The following PTPRT variants were observed in gnomAD, a reference collection of about 807,000 sequenced individuals.
The protein encoded by PTPRT is receptor-type tyrosine-protein phosphatase T.
Under a neutral mutation model 176.8 loss-of-function variants are expected in PTPRT, and 56 were observed. That is an observed-to-expected ratio of 0.32 (90% CI 0.26 to 0.40). The LOEUF (loss-of-function observed/expected upper bound fraction) is 0.40. PTPRT is among the 10% of genes least tolerant of loss of function. The pLI is 1.00. For missense variants in PTPRT, 1,540 were observed against 1,908.2 expected (o/e 0.81, Z 3.60); for synonymous variants, 783 against 739.0 (o/e 1.06, Z -0.96).
intron 7 of PTPRT, among the ~76,000 whole-genome samples, chr20:42,534,742 T>C (rs2072446061): frequency 6.6e-6 from 1 of 152,126 alleles, no homozygotes; most frequent in Non-Finnish European, 1.5e-5. Context: ...CCAAAAGCCA[T>C]GTTTGTCCTC....
intron 2 of PTPRT, among the ~76,000 whole-genome samples, chr20:42,853,507 T>G (rs1391689823): frequency 6.6e-6 from 1 of 152,148 alleles, no homozygotes; most frequent in Non-Finnish European, 1.5e-5. Context: ...GGAAGTCTGA[T>G]AGCCCAACAA....
At chr20:42,689,399 C>G (rs1413479462) in intron 6 of PTPRT, among the ~76,000 whole-genome samples, 4 of 152,202 alleles carry the variant, frequency 2.6e-5, no homozygotes, top group African/African-American at 7.2e-5. Context: ...TCCTCCCCTT[C>G]TGGCTCCCCA....
chr20:43,012,663 A>G, intron 1 of PTPRT, among the ~76,000 whole-genome samples: 1 of 152,174 alleles, frequency 6.6e-6, no homozygotes, highest in East Asian at 1.9e-4. Flanking sequence ...GGGCAGTGCT[A>G]TTAAGGATGC....
chr20:43,152,082 C>T (rs1378990194), intron 1 of PTPRT, among the ~76,000 whole-genome samples: 1 of 152,072 alleles, frequency 6.6e-6, no homozygotes. Flanking sequence ...ATTCATTCCT[C>T]GTCATGGAAA....
intron 6 of PTPRT, among the ~76,000 whole-genome samples, chr20:42,708,868 T>C (rs980533398): frequency 6.6e-6 from 1 of 152,204 alleles, no homozygotes; most frequent in African/African-American, 2.4e-5. Context: ...CCTACCTCCA[T>C]AGGAATGTTG....
intron 7 of PTPRT, among the ~76,000 whole-genome samples, chr20:42,668,572 G>A (rs1421011608): frequency 3.3e-5 from 5 of 152,130 alleles, no homozygotes; most frequent in African/African-American, 1.2e-4. Context: ...TTAAGCCAAG[G>A]GAGAGGGACT....
chr20:42,677,323 A>G (rs1158323733), intron 7 of PTPRT, among the ~76,000 whole-genome samples: 1 of 152,056 alleles, frequency 6.6e-6, no homozygotes, highest in Admixed American at 6.5e-5. Context: ...AGATACAACC[A>G]AAACCAGAAG....
At chr20:42,962,347 C>T (rs973940347) in intron 1 of PTPRT, among the ~76,000 whole-genome samples, 9 of 151,860 alleles carry the variant, frequency 5.9e-5, no homozygotes, top group African/African-American at 2.2e-4. Flanking sequence ...GTTACAGGTA[C>T]CAGTGCAGAC....
chr20:42,912,311 G>T (rs1416571585), intron 1 of PTPRT, among the ~76,000 whole-genome samples: 1 of 152,116 alleles, frequency 6.6e-6, no homozygotes, highest in Non-Finnish European at 1.5e-5. Context: ...AATATTAGGT[G>T]AGGTTGAATG....
At chr20:43,061,929 G>T (rs1009070678) in intron 1 of PTPRT, among the ~76,000 whole-genome samples, 5 of 152,170 alleles carry the variant, frequency 3.3e-5, no homozygotes, top group African/African-American at 1.2e-4. Flanking sequence ...GAGTTTTGAA[G>T]GAACAATTGA....
chr20:43,001,817 A>G (rs1444288629), intron 1 of PTPRT, among the ~76,000 whole-genome samples: 1 of 152,186 alleles, frequency 6.6e-6, no homozygotes, highest in Non-Finnish European at 1.5e-5. Context: ...TAAGTGTCAA[A>G]ATGCCCATGG....
chr20:43,118,213 G>A (rs1476892217), intron 1 of PTPRT, among the ~76,000 whole-genome samples: 1 of 152,164 alleles, frequency 6.6e-6, no homozygotes, highest in Non-Finnish European at 1.5e-5. Flanking sequence ...AAAAACAGGA[G>A]GTGGAATGGA....
Position 42,613,135 on chromosome 20 carries a change from T to C in PTPRT, c.1153+64731A>G, listed in dbSNP as rs572475721. 1.3e-4 allele frequency among the ~76,000 whole-genome samples: 20 copies of C among 152,370 alleles called. No individual in the cohort carries two copies. The South Asian group carries it at 3.9e-3, about 30-fold the overall frequency. Reference sequence around the variant, plus strand: ...TTGTTTCTGCTCAACAGTCTATTCATGGACCATTCCAAAAACTTTAAACTT... The same window carrying C: ...TTGTTTCTGCTCAACAGTCTATTCACGGACCATTCCAAAAACTTTAAACTT... On this transcript the variant is annotated intron_variant, in intron 7 of 30. Coordinates refer to ENST00000373187, the MANE Select transcript of PTPRT (RefSeq NM_007050.6).
In PTPRT at chr20:42,468,423, A is replaced by G. The variant is rs921764954; in HGVS notation, c.1450+3843T>C. ...TGGCATACAGCAGGGTCCTACACTG[A>G]GACTCTCCTTCAGTCCAGTGGGTTT... On this transcript the variant is annotated intron_variant, in intron 8 of 30. Coordinates refer to ENST00000373187, the MANE Select transcript of PTPRT (RefSeq NM_007050.6). Among the ~76,000 whole-genome samples, 7 of 152,222 alleles carry G rather than the reference A, an allele frequency of 4.6e-5. 1 individual carries two copies. The highest frequency in any genetic ancestry group is 1.7e-4 in the African/African-American group (7 of 41,466).
intron 9 of PTPRT, among the ~76,000 whole-genome samples, chr20:42,366,775 G>GT (rs11481420): frequency 1.5e-4 from 23 of 152,076 alleles, no homozygotes; most frequent in African/African-American, 4.3e-4. Context: ...GCACATGTGA[G>GT]GAAGCTGATT....
intron 15 of PTPRT, among the ~76,000 whole-genome samples, chr20:42,201,121 T>C (rs1991430347): frequency 6.6e-6 from 1 of 152,114 alleles, no homozygotes; most frequent in Non-Finnish European, 1.5e-5. Context: ...TGAGACCAGC[T>C]TGGGCAACAT....
chr20:42,524,789 GTTTTCCT>G (rs2072239717), intron 7 of PTPRT, among the ~76,000 whole-genome samples: 1 of 151,872 alleles, frequency 6.6e-6, no homozygotes, highest in Non-Finnish European at 1.5e-5. Context: ...TTCCCTTCAT[GTTTTCCT>G]TTTTTTTCTC....
At chr20:42,128,320 G>A (rs1987958377) in intron 19 of PTPRT, among the ~76,000 whole-genome samples, 1 of 151,774 alleles carries the variant, frequency 6.6e-6, no homozygotes, top group Non-Finnish European at 1.5e-5. Context: ...ACTTTGCCCT[G>A]GAATTATTGA....
In PTPRT at chr20:42,522,071, T is replaced by A. The variant is rs145837392; in HGVS notation, c.1154-49509A>T. Among the ~76,000 whole-genome samples the A allele has an allele frequency of 3.3e-3, 506 of 151,660 alleles. 2 individuals are homozygous for A. Among genetic ancestry groups the A allele is most frequent in the African/African-American group, 0.011 (468 of 41,304 alleles). On this transcript the variant is annotated intron_variant, in intron 7 of 30. Transcript: ENST00000373187. ...TTTCTTAAATTTTACTTTTTGATATTTGTGCCTTTGCTTTGGGTTTCTTCT... is the reference window on the plus strand; with the variant it reads ...TTTCTTAAATTTTACTTTTTGATATATGTGCCTTTGCTTTGGGTTTCTTCT...
Sources: allele counts gnomAD v4.1 joint callset (sites outside exome capture counted in the v4.1 genomes callset), GRCh38; gene constraint gnomAD v4.1.1; transcripts MANE v1.5; gene names NCBI Gene and HGNC (gene_info 2026-07-23, HGNC 2026-07-21).